Variants in TNS1 observed in about 807,000 individuals in gnomAD.
TNS1 encodes the protein tensin-1.
In TNS1, 62 loss-of-function variants were observed where a neutral mutation model predicts 168.6. The observed-to-expected ratio is 0.37, with a 90% CI of 0.30 to 0.45. The LOEUF is 0.45. TNS1 is among the 20% of genes least tolerant of loss of function. The pLI, the probability that TNS1 is intolerant of heterozygous loss-of-function variation, is 1.00. For synonymous variants in TNS1, 934 were observed against 933.2 expected, an observed-to-expected ratio of 1.00 and a Z score of -0.02; for missense variants, 2,240 against 2,339.4, an observed-to-expected ratio of 0.96 and a Z score of 0.88.
chr2:217,984,820 T>A (rs139405409), intron 2 of TNS1, among the ~76,000 whole-genome samples: 4,117 of 150,674 alleles, frequency 0.027, 184 homozygotes, highest in African/African-American at 0.094. Flanking sequence ...CATTGGCATG[T>A]TCTCGGCTCA....
chr2:217,810,168 C>A (rs1940573591), intron 29 of TNS1, 80 bp downstream of exon 29: 2 of 1,535,530 alleles, frequency 1.3e-6, no homozygotes, highest in South Asian at 2.3e-5. Context: ...AGACCTCCAG[C>A]CTGCACGTGC....
intron 32 of TNS1, among the ~76,000 whole-genome samples, chr2:217,806,842 C>T (rs1939214053): frequency 6.6e-6 from 1 of 152,266 alleles, no homozygotes; most frequent in East Asian, 1.9e-4. Context: ...TACCACCTCC[C>T]CATGTGTCAG....
chr2:217,830,233 G>A (rs1944217757), intron 22 of TNS1: 3 of 1,188,054 alleles, frequency 2.5e-6, no homozygotes, highest in Non-Finnish European at 3.6e-6. Context: ...GCTGGCTGGT[G>A]AGAGGCAGCC....
chr2:217,993,383 A>G (rs912639370), intron 1 of TNS1, among the ~76,000 whole-genome samples: 4 of 152,220 alleles, frequency 2.6e-5, no homozygotes, highest in African/African-American at 9.6e-5. Flanking sequence ...CACTTTAATC[A>G]AGTGATCAAA....
chr2:217,865,160 C>T (rs1949160606), intron 18 of TNS1, among the ~76,000 whole-genome samples: 1 of 152,102 alleles, frequency 6.6e-6, no homozygotes, highest in Non-Finnish European at 1.5e-5. Flanking sequence ...CCCTGTGGCT[C>T]CATGCATGAG....
chr2:217,830,002 T>C, intron 22 of TNS1: 1 of 1,498,006 alleles, frequency 6.7e-7, no homozygotes. Flanking sequence ...GATTATTTCT[T>C]GAGAAAGAGA....
chr2:217,836,328 G>A (rs564482106), intron 19 of TNS1, 117 bp from the exon 20 acceptor site: 12 of 1,011,288 alleles, frequency 1.2e-5, no homozygotes, highest in East Asian at 5.3e-5. Flanking sequence ...GCTGGGGCTC[G>A]CCTGTCATCC....
intron 3 of TNS1, among the ~76,000 whole-genome samples, chr2:217,976,704 T>C (rs1409988198): frequency 2.0e-5 from 3 of 152,264 alleles, no homozygotes; most frequent in African/African-American, 7.2e-5. Flanking sequence ...ACAAGGCTAC[T>C]GCATGACAAG....
At chr2:217,820,357 G>A (rs191413218) in intron 23 of TNS1, among the ~76,000 whole-genome samples, 5 of 152,260 alleles carry the variant, frequency 3.3e-5, no homozygotes, top group East Asian at 1.9e-4. Flanking sequence ...TGCAACCCTC[G>A]GCCAGAGTCA....
intron 3 of TNS1, among the ~76,000 whole-genome samples, chr2:217,941,422 G>T (rs762534677): frequency 6.6e-6 from 1 of 152,244 alleles, no homozygotes; most frequent in African/African-American, 2.4e-5. Flanking sequence ...CAGAACCTTT[G>T]CAGGAAGCAG....
chr2:217,895,181 G>T, intron 8 of TNS1, 125 bp from the exon 9 acceptor site: 1 of 911,424 alleles, frequency 1.1e-6, no homozygotes, highest in Non-Finnish European at 1.7e-6. Context: ...CCTCTGAAGA[G>T]CCCACGACAG....
At chr2:217,849,877 G>A in intron 18 of TNS1, 1 of 985,448 alleles carries the variant, frequency 1.0e-6, no homozygotes, top group South Asian at 4.7e-5. Context: ...GGTGGTGGTG[G>A]CAGGGAGGCT....
chr2:217,881,044 C>CG, intron 17 of TNS1, 30 bp from the exon 18 acceptor site: 1 of 1,504,944 alleles, frequency 6.6e-7, no homozygotes, highest in East Asian at 2.3e-5. Context: ...CAGCGGCAGT[C>CG]GGGGAGACAG....
chr2:217,853,966 TAA>T (rs757773437), intron 18 of TNS1, among the ~76,000 whole-genome samples: 6 of 152,210 alleles, frequency 3.9e-5, no homozygotes, highest in Non-Finnish European at 7.3e-5. Context: ...TAGGGGATGT[TAA>T]AGTCACACGG....
intron 18 of TNS1, among the ~76,000 whole-genome samples, chr2:217,851,332 C>A (rs1425824843): frequency 1.3e-5 from 2 of 152,014 alleles, no homozygotes; most frequent in Non-Finnish European, 2.9e-5. Context: ...CAGACAACCA[C>A]AAAACAGGAA....
chr2:217,954,033 T>C (rs542237233), intron 3 of TNS1, among the ~76,000 whole-genome samples: 1 of 152,308 alleles, frequency 6.6e-6, no homozygotes, highest in South Asian at 2.1e-4. Flanking sequence ...ACACTGATCC[T>C]GTAAGAAGAT....
rs548378738 is a variant in TNS1 at position 217,804,196 on chromosome 2, G to A, written c.*263C>T. 2.6e-4 allele frequency: 114 copies of A among 437,678 alleles called. No individual in the cohort carries two copies. The highest frequency in any genetic ancestry group is 4.2e-4 in the South Asian group (13 of 30,800). The allele number at this position is 437,678 out of a possible 1,614,324, so 27.1% of individuals were successfully genotyped here. A position where few individuals can be genotyped will look rare whatever the true frequency, so the allele number is the denominator to read the frequency against. Reference sequence around the variant, plus strand: ...TTAGGTGGACCTGGTTAGTTTTGGAGGCTTTGGGTTTTTGCAGTTTCCATC... The same window carrying A: ...TTAGGTGGACCTGGTTAGTTTTGGAAGCTTTGGGTTTTTGCAGTTTCCATC... On this transcript the variant is annotated 3_prime_UTR_variant, in exon 33 of 33. Transcript: ENST00000682258.
chr2:217,842,133 G>A (rs1318347641), intron 19 of TNS1: 2 of 702,762 alleles, frequency 2.8e-6, no homozygotes, highest in East Asian at 2.7e-5. Flanking sequence ...AATGTGGGAG[G>A]TTCCAGGACT....
intron 18 of TNS1, among the ~76,000 whole-genome samples, chr2:217,856,014 G>A (rs1252469270): frequency 6.6e-6 from 1 of 152,122 alleles, no homozygotes; most frequent in Non-Finnish European, 1.5e-5. Flanking sequence ...CTAGACCCAG[G>A]ACCCCTGGGA....
Sources: gnomAD v4.1 joint callset for allele counts (sites outside exome capture counted in the v4.1 genomes callset) on GRCh38, gnomAD v4.1.1 for gene constraint, MANE v1.5 for transcripts, NCBI Gene and HGNC (gene_info 2026-07-23, HGNC 2026-07-21) for gene names.